Variants in COL8A1 observed in about 807,000 individuals in gnomAD.
COL8A1 encodes the protein collagen type VIII alpha 1 chain.
Under a neutral mutation model 42.7 loss-of-function variants are expected in COL8A1, and 21 were observed. The ratio of observed to expected loss-of-function variants is 0.49; its 90% CI spans 0.35 to 0.71. The LOEUF (loss-of-function observed/expected upper bound fraction) is 0.71. COL8A1 is among the 30% of genes least tolerant of loss of function. The pLI is 0.01. For missense variants in COL8A1, 788 were observed against 962.4 expected (o/e 0.82, Z 2.40); for synonymous variants, 367 against 369.1 (o/e 0.99, Z 0.06).
chr3:99,764,692 C>CTTT (rs1553681461), intron 2 of COL8A1, among the ~76,000 whole-genome samples: 3 of 42,984 alleles, frequency 7.0e-5, no homozygotes, highest in African/African-American at 1.0e-4. Context: ...TCTTTTTTTT[C>CTTT]TTTTTTTTCT....
chr3:99,668,168 G>A (rs1170319855), intron 1 of COL8A1, among the ~76,000 whole-genome samples: 2 of 152,132 alleles, frequency 1.3e-5, no homozygotes, highest in Non-Finnish European at 2.9e-5. Flanking sequence ...ATTATAAATA[G>A]CATTTTTAAA....
intron 1 of COL8A1, among the ~76,000 whole-genome samples, chr3:99,733,762 C>A (rs1229238958): frequency 1.3e-5 from 2 of 151,318 alleles, no homozygotes; most frequent in Non-Finnish European, 3.0e-5. Flanking sequence ...TACAGTCCCA[C>A]CAACAGTGTA....
chr3:99,642,702 G>GA (rs1485323649), intron 1 of COL8A1, among the ~76,000 whole-genome samples: 4 of 152,030 alleles, frequency 2.6e-5, no homozygotes, highest in South Asian at 4.2e-4. Flanking sequence ...TCTTTCCCTG[G>GA]AAAAAATCTC....
At chr3:99,686,478 A>G (rs1321393342) in intron 1 of COL8A1, among the ~76,000 whole-genome samples, 3 of 152,188 alleles carry the variant, frequency 2.0e-5, no homozygotes, top group African/African-American at 4.8e-5. Flanking sequence ...CCAGAAGTCA[A>G]AGAAATGCCT....
chr3:99,693,993 T>C (rs996609901), intron 1 of COL8A1, among the ~76,000 whole-genome samples: 2 of 152,206 alleles, frequency 1.3e-5, no homozygotes, highest in African/African-American at 4.8e-5. Context: ...TTGCCAACAG[T>C]ATTCAGCACA....
At chr3:99,648,136 A>G (rs1162767789) in intron 1 of COL8A1, among the ~76,000 whole-genome samples, 2 of 152,196 alleles carry the variant, frequency 1.3e-5, no homozygotes, top group African/African-American at 4.8e-5. Flanking sequence ...CAACCCTACA[A>G]GAAGGGTGTT....
chr3:99,642,111 C>G (rs756239481), intron 1 of COL8A1, among the ~76,000 whole-genome samples: 1 of 152,164 alleles, frequency 6.6e-6, no homozygotes, highest in African/African-American at 2.4e-5. Flanking sequence ...TTACACCCCA[C>G]ACTACTAAAT....
chr3:99,770,485 A>G (rs1941557456), intron 2 of COL8A1, among the ~76,000 whole-genome samples: 1 of 152,226 alleles, frequency 6.6e-6, no homozygotes, highest in Non-Finnish European at 1.5e-5. Flanking sequence ...AAAAACATGT[A>G]TTCATCAACT....
chr3:99,683,027 A>T (rs984041635), intron 1 of COL8A1, among the ~76,000 whole-genome samples: 10 of 152,218 alleles, frequency 6.6e-5, no homozygotes, highest in African/African-American at 2.4e-4. Flanking sequence ...CCAGAGAGAA[A>T]AATCACCAGT....
intron 2 of COL8A1, among the ~76,000 whole-genome samples, chr3:99,789,076 A>C (rs1273300007): frequency 3.3e-5 from 5 of 152,114 alleles, no homozygotes; most frequent in African/African-American, 9.7e-5. Flanking sequence ...ATGATTTGTT[A>C]GTGTATTTAG....
At chr3:99,690,664 T>C (rs894363818) in intron 1 of COL8A1, among the ~76,000 whole-genome samples, 1 of 152,222 alleles carries the variant, frequency 6.6e-6, no homozygotes, top group Non-Finnish European at 1.5e-5. Context: ...CCCCTTTGCT[T>C]TGAGAAGTAA....
chr3:99,652,174 CTCCTTT>C (rs1437959481), intron 1 of COL8A1, among the ~76,000 whole-genome samples: 3 of 152,162 alleles, frequency 2.0e-5, no homozygotes, highest in Non-Finnish European at 2.9e-5. Context: ...GAATCCATGA[CTCCTTT>C]TCCACAGAGA....
chr3:99,725,312 G>A (rs1032560870), intron 1 of COL8A1, among the ~76,000 whole-genome samples: 3 of 151,952 alleles, frequency 2.0e-5, no homozygotes, highest in African/African-American at 7.2e-5. Context: ...TTAAACGTCT[G>A]TTTGAAAACT....
chr3:99,695,601 C>T (rs1043000104), intron 1 of COL8A1, among the ~76,000 whole-genome samples: 1 of 151,738 alleles, frequency 6.6e-6, no homozygotes, highest in African/African-American at 2.4e-5. Flanking sequence ...TCTCTCTCTC[C>T]GTCTTTCCCT....
chr3:99,662,452 T>C (rs1320308161), intron 1 of COL8A1, among the ~76,000 whole-genome samples: 1 of 152,012 alleles, frequency 6.6e-6, no homozygotes, highest in African/African-American at 2.4e-5. Context: ...AACATGCAAG[T>C]CTTTCAAATG....
intron 2 of COL8A1, among the ~76,000 whole-genome samples, chr3:99,773,839 T>TATATATATATATATATATATA (rs1337599964): frequency 7.4e-5 from 2 of 26,908 alleles, no homozygotes; most frequent in African/African-American, 1.2e-4. Flanking sequence ...ATATATATAT[T>TATATATATATATATATATATA]TTTTTTTTTT....
chr3:99,653,945 A>G (rs549930580), intron 1 of COL8A1, among the ~76,000 whole-genome samples: 17 of 152,218 alleles, frequency 1.1e-4, no homozygotes, highest in African/African-American at 3.1e-4. Context: ...AAGTCCCCCA[A>G]TAGGCCGTCT....
chr3:99,735,579 C>A (rs2107391790), intron 1 of COL8A1, among the ~76,000 whole-genome samples: 1 of 150,282 alleles, frequency 6.7e-6, no homozygotes, highest in South Asian at 2.1e-4. Flanking sequence ...ATTTTTGCAT[C>A]AATGTTCATC....
intron 2 of COL8A1, among the ~76,000 whole-genome samples, chr3:99,773,833 A>ATT (rs1267329766): frequency 9.8e-5 from 7 of 71,662 alleles, no homozygotes; most frequent in African/African-American, 2.6e-4. Flanking sequence ...ATATATATAT[A>ATT]TATATTTTTT....
Sources: gnomAD v4.1 joint callset for allele counts (sites outside exome capture counted in the v4.1 genomes callset) on GRCh38, gnomAD v4.1.1 for gene constraint, MANE v1.5 for transcripts, NCBI Gene and HGNC (gene_info 2026-07-23, HGNC 2026-07-21) for gene names.